DPYD: variants seen among roughly 807,000 people sequenced by gnomAD.
The protein encoded by DPYD is dihydropyrimidine dehydrogenase.
A neutral mutation model predicts 116.2 loss-of-function variants in DPYD; 109 were observed. The ratio of observed to expected loss-of-function variants is 0.94; its 90% CI spans 0.80 to 1.10. The LOEUF (loss-of-function observed/expected upper bound fraction) is 1.10. Among genes scored for constraint, DPYD ranks in the 50% least tolerant of loss-of-function variants. The pLI is 0.00. For missense variants in DPYD, 1,302 were observed against 1,254.5 expected, an observed-to-expected ratio of 1.04 and a Z score of -0.57; for synonymous variants, 440 against 432.0, an observed-to-expected ratio of 1.02 and a Z score of -0.23.
At chr1:97,102,395 T>TCATATATATATATATATATATATATA (rs1650761851) in intron 20 of DPYD, among the ~76,000 whole-genome samples, 1 of 14,142 alleles carries the variant, frequency 7.1e-5, no homozygotes, top group Non-Finnish European at 1.6e-4. Flanking sequence ...TCACTCAGTA[T>TCATATATATATATATATATATATATA]CATATATATA....
At chr1:97,526,673 T>G (rs1390586401) in intron 12 of DPYD, among the ~76,000 whole-genome samples, 1 of 152,142 alleles carries the variant, frequency 6.6e-6, no homozygotes. Flanking sequence ...ACTACGTGGC[T>G]ACTGGGGGTC....
intron 14 of DPYD, among the ~76,000 whole-genome samples, chr1:97,426,231 A>G (rs1033924054): frequency 3.9e-5 from 6 of 152,034 alleles, no homozygotes; most frequent in Non-Finnish European, 7.4e-5. Flanking sequence ...TTCGGTTCAG[A>G]TGACAGGAAC....
chr1:97,354,543 A>T (rs1157214167), intron 16 of DPYD, among the ~76,000 whole-genome samples: 2 of 152,232 alleles, frequency 1.3e-5, no homozygotes, highest in Non-Finnish European at 1.5e-5. Context: ...GACAAGGACA[A>T]ACATATTTAG....
At chr1:97,123,682 A>G (rs1652618562) in intron 20 of DPYD, among the ~76,000 whole-genome samples, 1 of 152,216 alleles carries the variant, frequency 6.6e-6, no homozygotes, top group Non-Finnish European at 1.5e-5. Context: ...ACACATATAT[A>G]TGAATGCATA....
intron 16 of DPYD, among the ~76,000 whole-genome samples, chr1:97,365,369 A>T (rs192191465): frequency 6.6e-6 from 1 of 152,290 alleles, no homozygotes; most frequent in African/African-American, 2.4e-5. Context: ...CTGTGACATT[A>T]CATTACCTGA....
intron 2 of DPYD, chr1:97,856,230 T>C (rs1477461807): frequency 6.6e-5 from 10 of 152,194 alleles, no homozygotes; most frequent in African/African-American, 2.2e-4. Flanking sequence ...AAATTGCTGG[T>C]GGAAATTTCA....
rs148360935 is a variant in DPYD at position 97,166,609 on chromosome 1, T to G, written c.2622+26460A>C. Among the ~76,000 whole-genome samples the G allele has an allele frequency of 3.0e-3, 457 of 152,256 alleles. 2 individuals are homozygous for G. The highest frequency in any genetic ancestry group is 0.01 in the African/African-American group (427 of 41,562). ...AAAAGTAACACTGTACAGTAAAGCT[T>G]AGGTGTCATACAAATGGGAAAAATT... On this transcript the variant is annotated intron_variant, in intron 20 of 22. Transcript: ENST00000370192.
At chr1:97,823,422 A>G (rs1669065857) in intron 3 of DPYD, among the ~76,000 whole-genome samples, 1 of 152,144 alleles carries the variant, frequency 6.6e-6, no homozygotes, top group Non-Finnish European at 1.5e-5. Context: ...ATTTTAAAGT[A>G]TACAATATAT....
chr1:97,541,337 T>TA (rs1005165971), intron 12 of DPYD, among the ~76,000 whole-genome samples: 4 of 152,192 alleles, frequency 2.6e-5, no homozygotes, highest in African/African-American at 9.6e-5. Context: ...AAGGATATGA[T>TA]AAAAATGAGT....
At chr1:97,636,362 T>C (rs978756570) in intron 8 of DPYD, among the ~76,000 whole-genome samples, 1 of 152,124 alleles carries the variant, frequency 6.6e-6, no homozygotes, top group Non-Finnish European at 1.5e-5. Flanking sequence ...CTCTATTTCT[T>C]ACTCCTAGAT....
chr1:97,722,195 T>C (rs1366727539), intron 4 of DPYD, among the ~76,000 whole-genome samples: 1 of 151,506 alleles, frequency 6.6e-6, no homozygotes, highest in Admixed American at 6.6e-5. Flanking sequence ...GAGAATGTTT[T>C]CCTCTAATCA....
intron 2 of DPYD, among the ~76,000 whole-genome samples, chr1:97,830,491 A>T (rs1416439751): frequency 6.6e-6 from 1 of 152,032 alleles, no homozygotes; most frequent in Non-Finnish European, 1.5e-5. Context: ...AGGTGGGCGG[A>T]TCATGAGGTC....
At chr1:97,495,945 T>C (rs1679241713) in intron 13 of DPYD, among the ~76,000 whole-genome samples, 1 of 152,124 alleles carries the variant, frequency 6.6e-6, no homozygotes, top group Non-Finnish European at 1.5e-5. Context: ...GACCTTTTCT[T>C]TCCAAATATT....
intron 2 of DPYD, among the ~76,000 whole-genome samples, chr1:97,880,160 T>C (rs1672132346): frequency 6.6e-6 from 1 of 151,804 alleles, no homozygotes; most frequent in Admixed American, 6.6e-5. Context: ...ATAACCAATG[T>C]AGTGACTATT....
chr1:97,458,549 G>C (rs1023718176), intron 13 of DPYD, among the ~76,000 whole-genome samples: 2 of 152,130 alleles, frequency 1.3e-5, no homozygotes, highest in South Asian at 4.1e-4. Flanking sequence ...CCCATCCCTG[G>C]TGGCCTATAA....
At position 97,702,280 on chromosome 1, in the gene DPYD, C is replaced by G. The variant is rs1236949469; in HGVS notation, c.484-2733G>C. Among the ~76,000 whole-genome samples, 3 of 150,854 alleles carry G rather than the reference C, an allele frequency of 2.0e-5. No individual in the cohort carries two copies. In the East Asian group the frequency reaches 5.8e-4, roughly 29 times the overall value. ...TAGTTAAAATATATTTTTTATATTT[C>G]CCCAAAGAAAGATTTCACATACTTT... On this transcript the variant is annotated intron_variant, in intron 5 of 22. Transcript: ENST00000370192.
chr1:97,771,273 A>G (rs901210378), intron 3 of DPYD, among the ~76,000 whole-genome samples: 9 of 152,252 alleles, frequency 5.9e-5, no homozygotes, highest in African/African-American at 2.2e-4. Flanking sequence ...ATTACAAAGA[A>G]AAAAGAAAAA....
At chr1:97,504,316 A>C (rs995718818) in intron 13 of DPYD, among the ~76,000 whole-genome samples, 5 of 152,044 alleles carry the variant, frequency 3.3e-5, no homozygotes, top group African/African-American at 1.2e-4. Flanking sequence ...ATGAGCTAAA[A>C]GAGATGCAAC....
chr1:97,751,513 C>T (rs1450374354), intron 3 of DPYD, among the ~76,000 whole-genome samples: 1 of 118,108 alleles, frequency 8.5e-6, no homozygotes, highest in Non-Finnish European at 1.7e-5. Flanking sequence ...GACAGTGGCT[C>T]ACGCCTGTAA....
Sources: gnomAD v4.1 joint callset for allele counts (sites outside exome capture counted in the v4.1 genomes callset) on GRCh38, gnomAD v4.1.1 for gene constraint, MANE v1.5 for transcripts, NCBI Gene and HGNC (gene_info 2026-07-23, HGNC 2026-07-21) for gene names.